Variants in AFDN observed in about 807,000 individuals in gnomAD.
AFDN encodes the protein afadin, adherens junction formation factor.
Under a neutral mutation model 216.6 loss-of-function variants are expected in AFDN, and 68 were observed. That is an observed-to-expected ratio of 0.31 (90% confidence interval 0.26 to 0.38). The LOEUF (loss-of-function observed/expected upper bound fraction) is 0.38, where lower values mean the gene tolerates loss of function less well. Ranked by LOEUF, AFDN falls within the 10% of genes least tolerant of loss-of-function variation. The pLI is 1.00. For missense variants in AFDN, 2,136 were observed against 2,342.0 expected, an observed-to-expected ratio of 0.91 and a Z score of 1.82; for synonymous variants, 868 against 853.7, an observed-to-expected ratio of 1.02 and a Z score of -0.29.
chr6:167,953,148 A>C (rs376776049), intron 30 of AFDN, among the ~76,000 whole-genome samples: 6 of 152,098 alleles, frequency 3.9e-5, no homozygotes, highest in African/African-American at 1.4e-4. Flanking sequence ...GACACAGTGC[A>C]ATATTTTGAG....
chr6:167,875,629 C>A, intron 5 of AFDN, 134 bp downstream of exon 5: 1 of 899,240 alleles, frequency 1.1e-6, no homozygotes, highest in Non-Finnish European at 1.7e-6. Context: ...GTACCATATA[C>A]TTCTGGTACA....
chr6:167,854,613 G>A (rs909946664), intron 1 of AFDN, among the ~76,000 whole-genome samples: 5 of 151,902 alleles, frequency 3.3e-5, no homozygotes, highest in African/African-American at 1.2e-4. Context: ...TTAATGTACA[G>A]TGTGATGTAT....
chr6:167,884,152 G>T (rs929139373), intron 6 of AFDN, among the ~76,000 whole-genome samples: 1 of 152,158 alleles, frequency 6.6e-6, no homozygotes, highest in Non-Finnish European at 1.5e-5. Flanking sequence ...CAGCATTTCA[G>T]TCACATCTTC....
intron 23 of AFDN, among the ~76,000 whole-genome samples, chr6:167,930,499 G>A (rs1009911260): frequency 6.6e-6 from 1 of 152,220 alleles, no homozygotes; most frequent in African/African-American, 2.4e-5. Context: ...TGAAGGATGA[G>A]TCAGTGTTAG....
chr6:167,840,766 G>T (rs1780979527), intron 1 of AFDN, among the ~76,000 whole-genome samples: 1 of 152,172 alleles, frequency 6.6e-6, no homozygotes, highest in African/African-American at 2.4e-5. Context: ...TGTAAATCAT[G>T]GTCAGTTCTT....
At chr6:167,875,707 C>T (rs62427682) in intron 5 of AFDN, among the ~76,000 whole-genome samples, 1 of 150,904 alleles carries the variant, frequency 6.6e-6, no homozygotes, top group Non-Finnish European at 1.5e-5. Flanking sequence ...TACTTTTACC[C>T]AATACAGCTC....
At chr6:167,878,477 AG>A (rs1454553699) in intron 5 of AFDN, among the ~76,000 whole-genome samples, 1 of 152,154 alleles carries the variant, frequency 6.6e-6, no homozygotes, top group Admixed American at 6.5e-5. Context: ...TCCAAAAGCC[AG>A]GATCTTCTTT....
In AFDN at chr6:167,948,757, A is replaced by G. The variant is rs1161002293; in HGVS notation, c.3831+279A>G. Among the ~76,000 whole-genome samples, 8 of 152,226 alleles carry G rather than the reference A, an allele frequency of 5.3e-5. No individual in the cohort carries two copies. The East Asian group carries it at 1.3e-3, about 26-fold the overall frequency. ...ACTGATTCTAGAAGTGAGAAATTAG[A>G]ACTCAAGTGGTGTATTTTGCACTGT... On this transcript the variant is annotated intron_variant, in intron 29 of 33. Transcript: ENST00000683244.
chr6:167,942,422 A>G (rs1212768408), intron 23 of AFDN, among the ~76,000 whole-genome samples: 1 of 152,238 alleles, frequency 6.6e-6, no homozygotes, highest in Non-Finnish European at 1.5e-5. Context: ...GTAAGATTTC[A>G]TGCGTAGGAC....
At chr6:167,828,094 G>C (rs1221168426) in intron 1 of AFDN, among the ~76,000 whole-genome samples, 1 of 152,180 alleles carries the variant, frequency 6.6e-6, no homozygotes, top group Non-Finnish European at 1.5e-5. Flanking sequence ...GGTCGGTTCC[G>C]CGCTCTGTTC....
intron 1 of AFDN, among the ~76,000 whole-genome samples, chr6:167,839,645 C>T (rs1780831436): frequency 6.6e-6 from 1 of 152,156 alleles, no homozygotes. Context: ...CCCTCCCACT[C>T]AGTACATGTG....
rs575827732 is a variant in AFDN, at chr6:167,899,707, G to T, written c.1580+1240G>T. Among the ~76,000 whole-genome samples, 9 of 152,292 alleles carry T rather than the reference G, an allele frequency of 5.9e-5. No homozygotes were observed. The East Asian group carries it at 1.7e-3, about 29-fold the overall frequency. On this transcript the variant is annotated intron_variant, in intron 11 of 33. Coordinates refer to ENST00000683244, the MANE Select transcript of AFDN (RefSeq NM_001386888.1). ...TTATTTTTTAGGCTCACTGAGGTTT[G>T]TCCAAAGAGATTATGTATTGTCTGA...
chr6:167,834,658 C>T (rs1169276404), intron 1 of AFDN, among the ~76,000 whole-genome samples: 2 of 151,888 alleles, frequency 1.3e-5, no homozygotes, highest in Non-Finnish European at 2.9e-5. Flanking sequence ...ATTTTCATTT[C>T]TGCTGTCCTC....
At chr6:167,922,529 CT>C (rs1453627040) in intron 21 of AFDN, among the ~76,000 whole-genome samples, 1 of 152,082 alleles carries the variant, frequency 6.6e-6, no homozygotes, top group Non-Finnish European at 1.5e-5. Context: ...TTAAGGATCT[CT>C]TAGTGTAGTG....
At chr6:167,866,048 G>A (rs1253317616) in intron 2 of AFDN, among the ~76,000 whole-genome samples, 1 of 152,060 alleles carries the variant, frequency 6.6e-6, no homozygotes, top group Admixed American at 6.5e-5. Context: ...CTGAAGCTGA[G>A]TTTTTCCTTT....
intron 30 of AFDN, among the ~76,000 whole-genome samples, chr6:167,958,691 G>T (rs749596386): frequency 6.6e-6 from 1 of 152,160 alleles, no homozygotes; most frequent in Non-Finnish European, 1.5e-5. Context: ...CTCCTCTTCC[G>T]CTTTCTTGTT....
chr6:167,898,489 T>C, intron 11 of AFDN, 22 bp downstream of exon 11: 6 of 1,602,260 alleles, frequency 3.7e-6, no homozygotes, highest in African/African-American at 2.7e-5. Context: ...AACCCTAAGA[T>C]TTAAAATGTT....
intron 23 of AFDN, among the ~76,000 whole-genome samples, chr6:167,934,361 A>G (rs988879975): frequency 6.6e-6 from 1 of 152,222 alleles, no homozygotes; most frequent in African/African-American, 2.4e-5. Context: ...AGGTTGCTGA[A>G]TGTAGAATTC....
chr6:167,923,213 T>C (rs955836878), intron 22 of AFDN: 13 of 336,292 alleles, frequency 3.9e-5, no homozygotes, highest in Non-Finnish European at 5.4e-5. Flanking sequence ...CCCATGGTTG[T>C]ACCAGTCTTA....
Sources: gnomAD v4.1 joint callset for allele counts (sites outside exome capture counted in the v4.1 genomes callset) on GRCh38, gnomAD v4.1.1 for gene constraint, MANE v1.5 for transcripts, NCBI Gene and HGNC (gene_info 2026-07-23, HGNC 2026-07-21) for gene names.